The following FAM163A variants were observed in gnomAD, a reference collection of about 807,000 sequenced individuals.
The protein encoded by FAM163A is protein FAM163A.
FAM163A carries 7 observed loss-of-function variants against 12.0 expected under a neutral mutation model. The ratio of observed to expected loss-of-function variants is 0.58; its 90% CI spans 0.33 to 1.10. The LOEUF is 1.10. Ranked by LOEUF, FAM163A falls within the 50% of genes least tolerant of loss-of-function variation. The probability of loss-of-function intolerance (pLI) is 0.03; values close to 1 mark genes in which losing one functional copy is unlikely to be tolerated. For synonymous variants in FAM163A, 101 were observed against 91.0 expected (o/e 1.11, Z -0.62); for missense variants, 202 against 218.6 (o/e 0.92, Z 0.48).
intron 1 of FAM163A, among the ~76,000 whole-genome samples, chr1:179,799,456 C>T (rs903976965): frequency 6.6e-6 from 1 of 152,214 alleles, no homozygotes. Context: ...GGAGATGGGC[C>T]GCTCGGCACG....
chr1:179,815,374 G>T lies in FAM163A; in HGVS notation c.*1185G>T, dbSNP rs1695234264. ...GGCTGAAACCACGTCAAGTCCCCCA[G>T]AGCCCGGCATTCTATGTAAGCATCC... On this transcript the variant is annotated 3_prime_UTR_variant, in exon 5 of 5. Coordinates refer to ENST00000341785, the MANE Select transcript of FAM163A (RefSeq NM_173509.3). 1 of 152,306 alleles carries T rather than the reference G, an allele frequency of 6.6e-6. No homozygotes were observed. 9.4% of individuals were successfully genotyped at this position (152,306 alleles called of 1,614,324 possible).
chr1:179,743,345 T>G lies in FAM163A; in HGVS notation c.-214T>G, dbSNP rs2504036. 129,764 of 152,362 alleles carry G rather than the reference T, an allele frequency of 0.85. 55,821 individuals are homozygous for G. The highest frequency in any genetic ancestry group is 1 in the East Asian group (5,142 of 5,148). The allele number at this position is 152,362 out of a possible 1,614,324, so 9.4% of individuals were successfully genotyped here. A position where few individuals can be genotyped will look rare whatever the true frequency, so the allele number is the denominator to read the frequency against. On this transcript the variant is annotated 5_prime_UTR_variant, in exon 1 of 5. Coordinates refer to ENST00000341785, the MANE Select transcript of FAM163A (RefSeq NM_173509.3). ...GCCTCACGTGTGCCGCCCCAGCCGC[T>G]GGCGCCCGGAAGGACGCGCTGCGAC...
At chr1:179,753,182 G>A (rs1685527659) in intron 1 of FAM163A, among the ~76,000 whole-genome samples, 1 of 152,112 alleles carries the variant, frequency 6.6e-6, no homozygotes, top group Non-Finnish European at 1.5e-5. Flanking sequence ...GAACCTTGAA[G>A]ACATTATACT....
chr1:179,795,273 T>A (rs899571157), intron 1 of FAM163A, among the ~76,000 whole-genome samples: 1 of 152,204 alleles, frequency 6.6e-6, no homozygotes, highest in Non-Finnish European at 1.5e-5. Flanking sequence ...GTACATACTA[T>A]CAAATCGCCC....
At chr1:179,789,521 T>G (rs1300882779) in intron 1 of FAM163A, among the ~76,000 whole-genome samples, 1 of 152,244 alleles carries the variant, frequency 6.6e-6, no homozygotes, top group East Asian at 1.9e-4. Flanking sequence ...CTACCACTCT[T>G]CCTTCCCCTT....
At chr1:179,791,977 A>G (rs779252155) in intron 1 of FAM163A, among the ~76,000 whole-genome samples, 2 of 152,246 alleles carry the variant, frequency 1.3e-5, no homozygotes, top group Non-Finnish European at 2.9e-5. Context: ...AGTAGTATTA[A>G]GTTGAAGGCT....
At position 179,795,453 on chromosome 1, in the gene FAM163A, G is replaced by A. The variant is rs1449320519; in HGVS notation, c.-135-12345G>A. On this transcript the variant is annotated intron_variant, in intron 1 of 4. Coordinates refer to ENST00000341785, the MANE Select transcript of FAM163A (RefSeq NM_173509.3). ...GTAAAGGGATTCATATTGTTATTGT[G>A]GGAATGGGCTCCTGATAAAAGGATA... Among the ~76,000 whole-genome samples, 3 of 152,270 alleles carry A rather than the reference G, an allele frequency of 2.0e-5. No individual in the cohort carries two copies. In the East Asian group the frequency reaches 5.8e-4, roughly 29 times the overall value.
intron 1 of FAM163A, among the ~76,000 whole-genome samples, chr1:179,779,193 A>G (rs184060910): frequency 6.8e-4 from 103 of 152,320 alleles, no homozygotes; most frequent in African/African-American, 2.3e-3. Flanking sequence ...CAATATTTAT[A>G]TTATTAGAAA....
At chr1:179,798,471 C>T (rs1277293723) in intron 1 of FAM163A, among the ~76,000 whole-genome samples, 6 of 152,370 alleles carry the variant, frequency 3.9e-5, no homozygotes, top group East Asian at 1.9e-4. Flanking sequence ...CCTGCCACCA[C>T]GCGCATACTC....
the FAM163A span, among the ~76,000 whole-genome samples, chr1:179,737,896 A>G: frequency 2.0e-5 from 3 of 152,172 alleles, no homozygotes; most frequent in Non-Finnish European, 4.4e-5. Context: ...GGTGATGCCT[A>G]TGTGTATCAC....
At chr1:179,741,984 T>C (rs1683711252), upstream of FAM163A, 1 of 152,230 alleles carries the variant, frequency 6.6e-6, no homozygotes, top group Non-Finnish European at 1.5e-5. Flanking sequence ...TCACACGTCC[T>C]CTTCATATTT....
intron 1 of FAM163A, among the ~76,000 whole-genome samples, chr1:179,781,333 A>T (rs894332409): frequency 2.6e-5 from 4 of 152,160 alleles, no homozygotes; most frequent in Non-Finnish European, 5.9e-5. Flanking sequence ...AAATATTTTT[A>T]AAACCCACTG....
intron 1 of FAM163A, among the ~76,000 whole-genome samples, chr1:179,749,994 T>C (rs1685046079): frequency 6.6e-6 from 1 of 152,232 alleles, no homozygotes; most frequent in Admixed American, 6.5e-5. Context: ...TGTCTGTGAA[T>C]TGGGGAAAGA....
intron 1 of FAM163A, among the ~76,000 whole-genome samples, chr1:179,806,825 C>T (rs984363488): frequency 9.9e-5 from 15 of 151,564 alleles, no homozygotes; most frequent in Middle Eastern, 3.3e-3. Flanking sequence ...CTGTCCTGGC[C>T]GGGCATAGTG....
chr1:179,758,823 C>G (rs1245718128), intron 1 of FAM163A, among the ~76,000 whole-genome samples: 1 of 152,220 alleles, frequency 6.6e-6, no homozygotes, highest in Non-Finnish European at 1.5e-5. Context: ...GACCCCCAGA[C>G]TTCCCCACAG....
intron 1 of FAM163A, among the ~76,000 whole-genome samples, chr1:179,754,737 C>T (rs567293004): frequency 1.3e-5 from 2 of 152,322 alleles, no homozygotes; most frequent in African/African-American, 4.8e-5. Flanking sequence ...AAACAGTAGC[C>T]TGGTGTACTG....
chr1:179,814,177 T>G lies in FAM163A; in HGVS notation c.492T>G (p.Ser164Arg). ...CCTTCACCAATCCAAGGGCTATTAG[T>G]ACAGACGTGTAAATCCTTCCACCCC... ...REAFTNPRAI[S>R]TDV The change falls in exon 5 of 5, where the codon AGT (serine) becomes AGG (arginine). Residue 164 changes from serine (S) to arginine (R), a missense_variant. Ser to Arg is a moderately radical substitution (Grantham distance 110). Transcript: ENST00000341785. The G allele has an allele frequency of 6.2e-7, 1 of 1,611,980 alleles. No individual in the cohort carries two copies. Among genetic ancestry groups the G allele is most frequent in the Non-Finnish European group, 8.5e-7 (1 of 1,178,850 alleles).
At chr1:179,730,791 T>C in the FAM163A span, among the ~76,000 whole-genome samples, 1 of 152,222 alleles carries the variant, frequency 6.6e-6, no homozygotes, top group African/African-American at 2.4e-5. Context: ...TAATTTGCAT[T>C]CAGCAAATCT....
intron 1 of FAM163A, among the ~76,000 whole-genome samples, chr1:179,747,718 T>A (rs1684695040): frequency 6.6e-6 from 1 of 152,228 alleles, no homozygotes; most frequent in Non-Finnish European, 1.5e-5. Flanking sequence ...ATCACATGGG[T>A]GCTTACAGAC....
Sources: allele counts gnomAD v4.1 joint callset (sites outside exome capture counted in the v4.1 genomes callset), GRCh38; gene constraint gnomAD v4.1.1; transcripts MANE v1.5; gene names NCBI Gene and HGNC (gene_info 2026-07-23, HGNC 2026-07-21).